FANCC: variants seen among roughly 807,000 people sequenced by gnomAD.
FANCC encodes the protein Fanconi anemia group C protein.
FANCC carries 55 observed loss-of-function variants against 71.3 expected under a neutral mutation model. That is an observed-to-expected ratio of 0.77 (90% CI 0.62 to 0.97). FANCC has a LOEUF of 0.97. FANCC is among the 50% of genes least tolerant of loss of function. FANCC has a pLI of 0.00. For missense variants in FANCC, 678 were observed against 670.9 expected, an observed-to-expected ratio of 1.01 and a Z score of -0.12; for synonymous variants, 275 against 244.9, an observed-to-expected ratio of 1.12 and a Z score of -1.15.
intron 7 of FANCC, among the ~76,000 whole-genome samples, chr9:95,136,340 G>A (rs1353888854): frequency 2.0e-5 from 3 of 152,024 alleles, no homozygotes; most frequent in Admixed American, 6.6e-5. Context: ...CTGTGTTCAC[G>A]TCACTGCACT....
chr9:95,265,108 T>C (rs925215293), intron 1 of FANCC, among the ~76,000 whole-genome samples: 1 of 152,154 alleles, frequency 6.6e-6, no homozygotes, highest in Non-Finnish European at 1.5e-5. Flanking sequence ...TAGGAGGAGC[T>C]GGCTATTTCT....
chr9:95,126,783 C>A, intron 8 of FANCC: 3 of 590,732 alleles, frequency 5.1e-6, no homozygotes, highest in Non-Finnish European at 9.2e-6. Flanking sequence ...GCAGGGGTTA[C>A]AGGCAGCTTA....
At chr9:95,119,348 C>T (rs1317842706) in intron 10 of FANCC, among the ~76,000 whole-genome samples, 1 of 143,766 alleles carries the variant, frequency 7.0e-6, no homozygotes, top group African/African-American at 2.6e-5. Flanking sequence ...TTTTTCAGTT[C>T]CTTCTTTCTT....
intron 4 of FANCC, among the ~76,000 whole-genome samples, chr9:95,208,077 CT>C (rs58961733): frequency 9.2e-4 from 44 of 47,652 alleles, no homozygotes; most frequent in Non-Finnish European, 1.3e-3. Flanking sequence ...ATCCAGAAGC[CT>C]TTTTTTTTTT....
At chr9:95,249,721 AAAAT>A (rs1831213751) in intron 1 of FANCC, among the ~76,000 whole-genome samples, 1 of 152,224 alleles carries the variant, frequency 6.6e-6, no homozygotes, top group Non-Finnish European at 1.5e-5. Flanking sequence ...AATGTAATAG[AAAAT>A]AAAAAACATC....
At chr9:95,134,310 C>A (rs1023004095) in intron 8 of FANCC, among the ~76,000 whole-genome samples, 8 of 152,120 alleles carry the variant, frequency 5.3e-5, no homozygotes, top group African/African-American at 1.9e-4. Context: ...AAGTTGAAGG[C>A]CTCTAGGAGG....
intron 4 of FANCC, among the ~76,000 whole-genome samples, chr9:95,182,437 G>A (rs1163414728): frequency 2.6e-5 from 4 of 152,140 alleles, no homozygotes; most frequent in Non-Finnish European, 5.9e-5. Flanking sequence ...GGAGAATGGC[G>A]TGAACCCAGG....
intron 1 of FANCC, among the ~76,000 whole-genome samples, chr9:95,303,168 G>A (rs1300831915): frequency 2.0e-5 from 3 of 152,162 alleles, no homozygotes; most frequent in East Asian, 1.9e-4. Context: ...GCTTCTGAAC[G>A]CATGCAATAT....
At chr9:95,294,352 A>G (rs1304395778) in intron 1 of FANCC, 1 of 1,587,896 alleles carries the variant, frequency 6.3e-7, no homozygotes, top group Non-Finnish European at 8.6e-7. Context: ...GGACACAGAG[A>G]CTCAAACGGA....
chr9:95,144,486 C>A (rs1027869283), intron 7 of FANCC, among the ~76,000 whole-genome samples: 1 of 152,232 alleles, frequency 6.6e-6, no homozygotes, highest in Non-Finnish European at 1.5e-5. Flanking sequence ...GAGCACTGTG[C>A]TAGAGCAGGA....
At chr9:95,298,946 T>C (rs1340594886) in intron 1 of FANCC, among the ~76,000 whole-genome samples, 1 of 152,204 alleles carries the variant, frequency 6.6e-6, no homozygotes, top group Non-Finnish European at 1.5e-5. Flanking sequence ...CAAAGTGCTA[T>C]AAAACACAAT....
At chr9:95,235,137 G>A (rs1195459298) in intron 4 of FANCC, among the ~76,000 whole-genome samples, 1 of 152,218 alleles carries the variant, frequency 6.6e-6, no homozygotes, top group African/African-American at 2.4e-5. Flanking sequence ...CCAATGGAGA[G>A]ATGCAGGATC....
intron 11 of FANCC, 74 bp from the exon 12 acceptor site, chr9:95,114,784 G>T: frequency 8.0e-7 from 1 of 1,255,696 alleles, no homozygotes; most frequent in Non-Finnish European, 1.2e-6. Flanking sequence ...CTGCAGGGAT[G>T]ACCTGAAGAG....
chr9:95,270,951 T>C (rs1164094177), intron 1 of FANCC, among the ~76,000 whole-genome samples: 1 of 152,082 alleles, frequency 6.6e-6, no homozygotes, highest in Non-Finnish European at 1.5e-5. Flanking sequence ...CAGCATCCAT[T>C]CTCCACCCTC....
chr9:95,148,234 A>G lies in FANCC; in HGVS notation c.686+1689T>C, dbSNP rs549530352. Among the ~76,000 whole-genome samples the G allele has an allele frequency of 3.9e-5, 6 of 152,350 alleles. No homozygotes were observed. In the East Asian group the frequency reaches 9.6e-4, roughly 24 times the overall value. On this transcript the variant is annotated intron_variant, in intron 7 of 14. Transcript: ENST00000289081. ...AAAAGAATTCTGTACGGTGAAAAGG[A>G]AAGTGTGCATAAAGCACTTCTGCTT...
chr9:95,154,439 T>C (rs1404564010), intron 6 of FANCC, among the ~76,000 whole-genome samples: 1 of 152,070 alleles, frequency 6.6e-6, no homozygotes, highest in Non-Finnish European at 1.5e-5. Context: ...AAAAGGTAGA[T>C]TCAATCTTGC....
chr9:95,199,730 CAG>C (rs1827691179), intron 4 of FANCC, among the ~76,000 whole-genome samples: 1 of 152,192 alleles, frequency 6.6e-6, no homozygotes, highest in Non-Finnish European at 1.5e-5. Flanking sequence ...TGAGTGTTTA[CAG>C]TAGTGACTTC....
rs538834752 is a variant in FANCC at position 95,208,899 on chromosome 9, A to G, written c.345+31750T>C. 4.5e-4 allele frequency among the ~76,000 whole-genome samples: 68 copies of G among 152,226 alleles called. No individual in the cohort carries two copies. The South Asian group carries it at 0.012, about 27-fold the overall frequency. On this transcript the variant is annotated intron_variant, in intron 4 of 14. Transcript: ENST00000289081. ...TATCATACTCCTTGATATTTACCCA[A>G]AAGAGTTGAAAACTTGTGTCCCCAC...
chr9:95,274,433 C>A (rs1031515317), intron 1 of FANCC, among the ~76,000 whole-genome samples: 2 of 152,126 alleles, frequency 1.3e-5, no homozygotes, highest in Admixed American at 1.3e-4. Flanking sequence ...ATTGGATGGG[C>A]ATTTGGGTTG....
Sources: allele counts gnomAD v4.1 joint callset (sites outside exome capture counted in the v4.1 genomes callset), GRCh38; gene constraint gnomAD v4.1.1; transcripts MANE v1.5; gene names NCBI Gene and HGNC (gene_info 2026-07-23, HGNC 2026-07-21).